Variants in RNF217 observed in about 807,000 individuals in gnomAD.
RNF217 encodes the protein ring finger protein 217.
Under a neutral mutation model 57.8 loss-of-function variants are expected in RNF217, and 31 were observed. That is an observed-to-expected ratio of 0.54 (90% CI 0.40 to 0.72). The LOEUF (loss-of-function observed/expected upper bound fraction) is 0.72, where lower values mean the gene tolerates loss of function less well. Among genes scored for constraint, RNF217 ranks in the 30% least tolerant of loss-of-function variants. RNF217 has a pLI of 0.00. For missense variants in RNF217, 696 were observed against 708.3 expected (o/e 0.98, Z 0.20); for synonymous variants, 313 against 294.0 (o/e 1.06, Z -0.66).
chr6:125,058,453 A>G (rs562477302), intron 3 of RNF217, among the ~76,000 whole-genome samples: 3 of 152,180 alleles, frequency 2.0e-5, no homozygotes, highest in Admixed American at 6.5e-5. Context: ...CACGTGTACT[A>G]TAATTACTTC....
At chr6:125,056,510 G>A (rs1787528996) in intron 2 of RNF217, among the ~76,000 whole-genome samples, 1 of 152,074 alleles carries the variant, frequency 6.6e-6, no homozygotes, top group Non-Finnish European at 1.5e-5. Context: ...TGCACAAGAG[G>A]AGCATTATCC....
chr6:125,036,930 A>G (rs180804427), intron 1 of RNF217, among the ~76,000 whole-genome samples: 1 of 149,558 alleles, frequency 6.7e-6, no homozygotes, highest in African/African-American at 2.4e-5. Context: ...AAAGCAGGAA[A>G]TAACAGATGG....
rs540744655 is a variant in RNF217, at chr6:125,031,782, C to A, written c.883-13429C>A. 1.4e-4 allele frequency among the ~76,000 whole-genome samples: 21 copies of A among 152,304 alleles called. 1 individual carries two copies. The South Asian group carries it at 4.4e-3, about 32-fold the overall frequency. On this transcript the variant is annotated intron_variant, in intron 1 of 5. Transcript: ENST00000521654. Reference sequence around the variant, plus strand: ...GCCCTCCAAGCTGTTCCAACCTCTGCCTGTTACCTAGTTCCAAAGTTGGTT... The same window carrying A: ...GCCCTCCAAGCTGTTCCAACCTCTGACTGTTACCTAGTTCCAAAGTTGGTT...
At chr6:125,032,664 A>G (rs1301475116) in intron 1 of RNF217, among the ~76,000 whole-genome samples, 2 of 152,280 alleles carry the variant, frequency 1.3e-5, no homozygotes, top group East Asian at 3.9e-4. Flanking sequence ...AAAAGAGGAC[A>G]GTTGTAAGAG....
chr6:125,069,305 C>T (rs1464079349), intron 3 of RNF217, among the ~76,000 whole-genome samples: 1 of 152,126 alleles, frequency 6.6e-6, no homozygotes, highest in Non-Finnish European at 1.5e-5. Flanking sequence ...GCATAGTCTA[C>T]TGTGATAGAA....
At chr6:124,970,628 A>G (rs1332082015) in intron 1 of RNF217, among the ~76,000 whole-genome samples, 1 of 152,184 alleles carries the variant, frequency 6.6e-6, no homozygotes, top group Admixed American at 6.5e-5. Context: ...TATAAATTTG[A>G]ACGTGGATGG....
intron 1 of RNF217, among the ~76,000 whole-genome samples, chr6:124,968,777 GACATAAAA>G (rs1783647658): frequency 6.6e-6 from 1 of 152,108 alleles, no homozygotes; most frequent in Non-Finnish European, 1.5e-5. Flanking sequence ...TGATACAAAA[GACATAAAA>G]AAGAGATCAT....
At chr6:124,976,114 A>G (rs185389187) in intron 1 of RNF217, among the ~76,000 whole-genome samples, 4 of 152,304 alleles carry the variant, frequency 2.6e-5, no homozygotes, top group Non-Finnish European at 4.4e-5. Context: ...ACATATGTAT[A>G]CATACTGTTT....
At chr6:125,080,358 C>G (rs1788527852) in intron 4 of RNF217, among the ~76,000 whole-genome samples, 1 of 152,124 alleles carries the variant, frequency 6.6e-6, no homozygotes. Flanking sequence ...GTCTGGTCAT[C>G]TGGTTCCAAA....
intron 1 of RNF217, among the ~76,000 whole-genome samples, chr6:124,974,077 TCCCAA>T (rs1783865200): frequency 2.6e-5 from 4 of 152,102 alleles, no homozygotes; most frequent in Admixed American, 2.6e-4. Flanking sequence ...GGAGCCAGCA[TCCCAA>T]GGGATGTGGA....
chr6:125,064,876 G>C (rs1164498579), intron 3 of RNF217, among the ~76,000 whole-genome samples: 1 of 151,910 alleles, frequency 6.6e-6, no homozygotes, highest in South Asian at 2.1e-4. Flanking sequence ...AGAAAATGTA[G>C]TGTACCTTAA....
chr6:125,051,928 A>T (rs1287791100), intron 2 of RNF217, among the ~76,000 whole-genome samples: 1 of 152,034 alleles, frequency 6.6e-6, no homozygotes, highest in Non-Finnish European at 1.5e-5. Context: ...GTCCTCGGAC[A>T]AGAAATAGAC....
chr6:125,009,186 C>T, intron 1 of RNF217: 1 of 1,559,544 alleles, frequency 6.4e-7, no homozygotes, highest in Non-Finnish European at 8.7e-7. Context: ...CCATTGCCAG[C>T]ACTTGAGTAA....
chr6:124,971,825 C>G (rs1409521009), intron 1 of RNF217, among the ~76,000 whole-genome samples: 1 of 152,206 alleles, frequency 6.6e-6, no homozygotes, highest in Non-Finnish European at 1.5e-5. Context: ...TTCCTTTTGT[C>G]AGAACTTTCT....
intron 1 of RNF217, among the ~76,000 whole-genome samples, chr6:124,984,557 A>G (rs75279605): frequency 2.8e-5 from 4 of 142,088 alleles, no homozygotes; most frequent in African/African-American, 1.0e-4. Flanking sequence ...AAAAAAAAAA[A>G]AAAAGAAAGA....
In RNF217 at chr6:124,962,902, G is replaced by A; in HGVS notation, c.358G>A (p.Gly120Arg). 3 of 1,598,090 alleles carry A rather than the reference G, an allele frequency of 1.9e-6. No individual in the cohort carries two copies. The highest frequency in any genetic ancestry group is 1.3e-5 in the African/African-American group (1 of 75,034). ...EEEEAGDRKE[G>R]GDEQQEAPPG... ...GGAGGAAGCTGGGGATCGAAAAGAGGGAGGGGATGAACAGCAGGAGGCGCC... is the reference window on the plus strand; with the variant it reads ...GGAGGAAGCTGGGGATCGAAAAGAGAGAGGGGATGAACAGCAGGAGGCGCC... The change falls in exon 1 of 6, where the codon GGA becomes AGA. Residue 120 changes from glycine (G) to arginine (R), a missense_variant. By Grantham distance (125) the Gly-to-Arg change is moderately radical (BLOSUM62 -2). This residue lies in a region of RNF217 where 465 missense variants were observed against 386.8 expected (regional missense o/e 1.20). Coordinates refer to ENST00000521654, the MANE Select transcript of RNF217 (RefSeq NM_001286398.3). This position sits in a 1 kb window ranked among gnomAD's most constrained non-coding sequence, Gnocchi z 4.6.
intron 4 of RNF217, among the ~76,000 whole-genome samples, chr6:125,078,084 T>G (rs1788445143): frequency 6.6e-6 from 1 of 152,204 alleles, no homozygotes; most frequent in South Asian, 2.1e-4. Context: ...GCCAATAGCA[T>G]TCAATAGTCA....
intron 3 of RNF217, among the ~76,000 whole-genome samples, chr6:125,062,775 C>T (rs898770048): frequency 4.6e-5 from 7 of 152,116 alleles, no homozygotes; most frequent in African/African-American, 1.7e-4. Context: ...CGAGGTTTCA[C>T]CACGTTGACC....
intron 1 of RNF217, among the ~76,000 whole-genome samples, chr6:124,981,391 G>A (rs949223394): frequency 1.4e-4 from 22 of 152,084 alleles, no homozygotes; most frequent in African/African-American, 5.3e-4. Context: ...AGGTGGTCGG[G>A]GTACAGCTTG....
Sources: gnomAD v4.1 joint callset for allele counts (sites outside exome capture counted in the v4.1 genomes callset) on GRCh38, gnomAD v4.1.1 for gene constraint, gnomAD v4.1.1 regional missense constraint, Gnocchi (gnomAD v3.1) non-coding constraint, MANE v1.5 for transcripts, NCBI Gene and HGNC (gene_info 2026-07-23, HGNC 2026-07-21) for gene names.